Variants in TEC observed in about 807,000 individuals in gnomAD.
TEC encodes the protein tec protein tyrosine kinase, also known as tyrosine-protein kinase Tec.
Under a neutral mutation model 93.0 loss-of-function variants are expected in TEC, and 72 were observed. That is an observed-to-expected ratio of 0.77 (90% CI 0.64 to 0.94). The LOEUF (loss-of-function observed/expected upper bound fraction) is 0.94. Among genes scored for constraint, TEC ranks in the 40% least tolerant of loss-of-function variants. The pLI, the probability that TEC is intolerant of heterozygous loss-of-function variation, is 0.00. For missense variants in TEC, 630 were observed against 757.9 expected (o/e 0.83, Z 1.98); for synonymous variants, 249 against 247.7 (o/e 1.01, Z -0.05).
At chr4:48,178,646 C>A (rs1721429971) in intron 2 of TEC, among the ~76,000 whole-genome samples, 1 of 152,122 alleles carries the variant, frequency 6.6e-6, no homozygotes, top group African/African-American at 2.4e-5. Context: ...ACTCATGGAG[C>A]CAAGTCCCAC....
At chr4:48,265,061 C>T (rs1228290238) in intron 1 of TEC, among the ~76,000 whole-genome samples, 2 of 151,892 alleles carry the variant, frequency 1.3e-5, no homozygotes, top group African/African-American at 2.4e-5. Flanking sequence ...AGACAAAAGC[C>T]GCTTGGGAAA....
intron 2 of TEC, among the ~76,000 whole-genome samples, chr4:48,179,083 C>T (rs887772077): frequency 8.6e-5 from 13 of 152,010 alleles, no homozygotes; most frequent in African/African-American, 3.1e-4. Flanking sequence ...TCTCCCTTCC[C>T]TTCAGTTTCT....
At chr4:48,203,123 G>C (rs1226254442) in intron 2 of TEC, among the ~76,000 whole-genome samples, 1 of 152,136 alleles carries the variant, frequency 6.6e-6, no homozygotes. Flanking sequence ...CAACACTTTG[G>C]GAGGCTGAGG....
chr4:48,167,915 A>ATCT lies in TEC; in HGVS notation c.531_533dup (p.Glu177dup), dbSNP rs1275680748. 2 of 1,613,680 alleles carry ATCT rather than the reference A, an allele frequency of 1.2e-6. No individual in the cohort carries two copies. The highest frequency in any genetic ancestry group is 2.7e-5 in the African/African-American group (2 of 74,840). On this transcript the variant is annotated inframe_insertion, in exon 7 of 18. Coordinates refer to ENST00000381501, the MANE Select transcript of TEC (RefSeq NM_003215.3). The stretch of plus-strand genomic sequence containing the variant: ...TGGCTACAACGATTTCTTCACTATT[A>ATCT]TCTTCTTCTTCTAGTGGAATTGGTG...
chr4:48,173,533 T>G (rs2661543), intron 3 of TEC, among the ~76,000 whole-genome samples: 123,527 of 152,066 alleles, frequency 0.81, 50,291 homozygotes, highest in East Asian at 0.92. Context: ...TGTGTTTCTC[T>G]CTGCCTTAAT....
chr4:48,192,491 C>T (rs1031575730), intron 2 of TEC, among the ~76,000 whole-genome samples: 8 of 152,046 alleles, frequency 5.3e-5, no homozygotes, highest in South Asian at 2.1e-4. Context: ...AATTTAAATA[C>T]GTGCAGTCAT....
intron 1 of TEC, among the ~76,000 whole-genome samples, chr4:48,231,977 A>T (rs1723659489): frequency 6.6e-6 from 1 of 152,090 alleles, no homozygotes; most frequent in Admixed American, 6.5e-5. Flanking sequence ...TTCATGTTGA[A>T]TGTCCTGGGG....
At chr4:48,238,687 T>TGTATATAAATTTACGTAAATTTATATAA (rs1560421751) in intron 1 of TEC, among the ~76,000 whole-genome samples, 1 of 149,590 alleles carries the variant, frequency 6.7e-6, no homozygotes, top group African/African-American at 2.4e-5. Flanking sequence ...AATTTATATA[T>TGTATATAAATTTACGTAAATTTATATAA]ATGTATATAA....
At chr4:48,220,587 T>G (rs748482856) in intron 2 of TEC, among the ~76,000 whole-genome samples, 1 of 152,208 alleles carries the variant, frequency 6.6e-6, no homozygotes, top group Admixed American at 6.5e-5. Flanking sequence ...CAGAAGCAGA[T>G]GCTGGCACCA....
intron 1 of TEC, among the ~76,000 whole-genome samples, chr4:48,251,777 A>G (rs1192699875): frequency 6.6e-6 from 1 of 152,224 alleles, no homozygotes; most frequent in Non-Finnish European, 1.5e-5. Flanking sequence ...GTAAATGACA[A>G]GATCAAAACT....
At chr4:48,146,029 C>T (rs1719892396) in intron 12 of TEC, among the ~76,000 whole-genome samples, 1 of 152,190 alleles carries the variant, frequency 6.6e-6, no homozygotes, top group African/African-American at 2.4e-5. Flanking sequence ...CATCCTTACT[C>T]ACGTTCTTGT....
intron 2 of TEC, among the ~76,000 whole-genome samples, chr4:48,181,892 G>C (rs1395505310): frequency 6.6e-6 from 1 of 152,032 alleles, no homozygotes; most frequent in Non-Finnish European, 1.5e-5. Flanking sequence ...TACCGTAGAA[G>C]GAACTCACAG....
intron 2 of TEC, among the ~76,000 whole-genome samples, chr4:48,223,282 A>G (rs551302239): frequency 6.6e-5 from 10 of 152,176 alleles, no homozygotes; most frequent in Non-Finnish European, 1.0e-4. Flanking sequence ...AGAAGTTATA[A>G]CTGAAAGTAA....
At chr4:48,254,952 G>A (rs1352601912) in intron 1 of TEC, among the ~76,000 whole-genome samples, 1 of 152,200 alleles carries the variant, frequency 6.6e-6, no homozygotes, top group Non-Finnish European at 1.5e-5. Flanking sequence ...AAGGCACCAA[G>A]TAGGCACGAA....
chr4:48,170,820 G>A (rs1158551950), intron 4 of TEC, among the ~76,000 whole-genome samples: 1 of 152,190 alleles, frequency 6.6e-6, no homozygotes, highest in East Asian at 1.9e-4. Context: ...GGAGGCCGAG[G>A]TGGGCAGATC....
chr4:48,242,077 C>T (rs1723936546), intron 1 of TEC, among the ~76,000 whole-genome samples: 1 of 152,292 alleles, frequency 6.6e-6, no homozygotes, highest in African/African-American at 2.4e-5. Flanking sequence ...TGGTAATGTG[C>T]AGTGTCTGGC....
chr4:48,174,663 GAAA>G lies in TEC; in HGVS notation c.243+1416_243+1418del, dbSNP rs61380897. 3.2e-4 allele frequency among the ~76,000 whole-genome samples: 45 copies of G among 141,914 alleles called. No homozygotes were observed. In the East Asian group the frequency reaches 3.8e-3, roughly 12 times the overall value. 93.1% of individuals were successfully genotyped at this position (141,914 alleles called of 152,430 possible). ...GACAAAGGAAGACTCCATCTCAAAG[GAAA>G]AAAAAAAAAAGAAGTGTGGTAGGAA... On this transcript the variant is annotated intron_variant, in intron 3 of 17. Transcript: ENST00000381501.
intron 2 of TEC, among the ~76,000 whole-genome samples, chr4:48,220,433 G>A (rs569304397): frequency 2.0e-5 from 3 of 152,060 alleles, no homozygotes; most frequent in South Asian, 4.2e-4. Flanking sequence ...CCTCCTAGAT[G>A]GTAATGAATG....
intron 1 of TEC, among the ~76,000 whole-genome samples, chr4:48,251,654 G>A (rs567181845): frequency 6.6e-6 from 1 of 152,256 alleles, no homozygotes; most frequent in South Asian, 2.1e-4. Flanking sequence ...GATTGAATTG[G>A]ACATGATTGT....
Sources: allele counts gnomAD v4.1 joint callset (sites outside exome capture counted in the v4.1 genomes callset), GRCh38; gene constraint gnomAD v4.1.1; transcripts MANE v1.5; gene names NCBI Gene and HGNC (gene_info 2026-07-23, HGNC 2026-07-21).